Variants in CTNNA3 observed in about 807,000 individuals in gnomAD.
CTNNA3 encodes the protein catenin alpha-3.
A neutral mutation model predicts 95.7 loss-of-function variants in CTNNA3; 76 were observed. The observed-to-expected ratio is 0.79, with a 90% CI of 0.66 to 0.96. CTNNA3 has a LOEUF of 0.96. CTNNA3 is among the 40% of genes least tolerant of loss of function. CTNNA3 has a pLI of 0.00. For synonymous variants in CTNNA3, 431 were observed against 374.4 expected, an observed-to-expected ratio of 1.15 and a Z score of -1.74; for missense variants, 1,191 against 1,089.8, an observed-to-expected ratio of 1.09 and a Z score of -1.31.
intron 7 of CTNNA3, among the ~76,000 whole-genome samples, chr10:66,806,893 A>C (rs1031577947): frequency 2.0e-5 from 3 of 151,944 alleles, no homozygotes; most frequent in African/African-American, 7.2e-5. Flanking sequence ...GTTTATAGAT[A>C]AACATTTCAG....
chr10:66,058,901 CAAAACTTT>C (rs1383068512), intron 15 of CTNNA3, among the ~76,000 whole-genome samples: 4 of 152,094 alleles, frequency 2.6e-5, no homozygotes, highest in African/African-American at 9.7e-5. Context: ...GGTAACTAAT[CAAAACTTT>C]TTAGAAAGTT....
chr10:67,072,786 C>T (rs1248216191), intron 7 of CTNNA3, among the ~76,000 whole-genome samples: 1 of 152,086 alleles, frequency 6.6e-6, no homozygotes, highest in African/African-American at 2.4e-5. Flanking sequence ...TAAATATCTT[C>T]AAAAAGAGTT....
intron 7 of CTNNA3, among the ~76,000 whole-genome samples, chr10:66,990,653 T>TA (rs991700248): frequency 5.5e-4 from 84 of 152,224 alleles, no homozygotes; most frequent in African/African-American, 1.7e-3. Context: ...GTGGACCAGA[T>TA]AAGTGTCCTT....
At chr10:66,649,305 A>C (rs2132406875) in intron 9 of CTNNA3, among the ~76,000 whole-genome samples, 1 of 152,310 alleles carries the variant, frequency 6.6e-6, no homozygotes, top group African/African-American at 2.4e-5. Flanking sequence ...CCACAGAGAA[A>C]CATTAATTTG....
intron 9 of CTNNA3, among the ~76,000 whole-genome samples, chr10:66,624,189 G>A (rs10822855): frequency 0.33 from 50,601 of 151,974 alleles, 8,844 homozygotes; most frequent in Middle Eastern, 0.5. Flanking sequence ...TTTGAACCCA[G>A]TTCCTACAGT....
At position 67,539,670 on chromosome 10, in the gene CTNNA3, C is replaced by G. The variant is rs1176108708; in HGVS notation, c.293-1G>C. 1 of 1,612,954 alleles carries G rather than the reference C, an allele frequency of 6.2e-7. No homozygotes were observed. The highest frequency in any genetic ancestry group is 1.7e-5 in the Admixed American group (1 of 59,914). ...TCAGCTGATACTTTCAGAGCTTCACCTGAAAAATACAACCCCATATAAGTT... is the reference window on the plus strand; with the variant it reads ...TCAGCTGATACTTTCAGAGCTTCACGTGAAAAATACAACCCCATATAAGTT... On this transcript the variant is annotated splice_acceptor_variant, in intron 3 of 17. Coordinates refer to ENST00000433211, the MANE Select transcript of CTNNA3 (RefSeq NM_013266.4). LOFTEE classifies it high-confidence loss of function.
At chr10:67,518,894 T>C (rs1839900868) in intron 5 of CTNNA3, among the ~76,000 whole-genome samples, 3 of 152,146 alleles carry the variant, frequency 2.0e-5, no homozygotes, top group Non-Finnish European at 4.4e-5. Flanking sequence ...TGCCTTTCGA[T>C]AGTAAGAACC....
At chr10:65,982,173 G>A (rs1257323421) in intron 16 of CTNNA3, among the ~76,000 whole-genome samples, 1 of 150,534 alleles carries the variant, frequency 6.6e-6, no homozygotes, top group African/African-American at 2.4e-5. Flanking sequence ...CCATCAAAAA[G>A]TGGGCTAAGG....
At chr10:67,204,853 G>A (rs2132222299) in intron 6 of CTNNA3, among the ~76,000 whole-genome samples, 1 of 152,296 alleles carries the variant, frequency 6.6e-6, no homozygotes, top group South Asian at 2.1e-4. Context: ...CAAGGAGTCA[G>A]TTTGGGTGGG....
In CTNNA3 at chr10:66,659,115, A is replaced by G. The variant is rs12762488; in HGVS notation, c.1282-37331T>C. On this transcript the variant is annotated intron_variant, in intron 9 of 17. Transcript: ENST00000433211. ...CTAAGAACTGGGACTATATCATTGA[A>G]CAAGAAAATTTTCCATACCTTATGA... Among the ~76,000 whole-genome samples the G allele has an allele frequency of 2.0e-5, 3 of 152,048 alleles. No homozygotes were observed. In the East Asian group the frequency reaches 5.8e-4, roughly 29 times the overall value.
At chr10:67,187,645 G>T (rs1333389491) in intron 6 of CTNNA3, among the ~76,000 whole-genome samples, 2 of 151,920 alleles carry the variant, frequency 1.3e-5, no homozygotes, top group African/African-American at 4.8e-5. Context: ...GAGTGCAGTT[G>T]TGCAATGATG....
intron 5 of CTNNA3, among the ~76,000 whole-genome samples, chr10:67,373,603 C>A (rs1197599906): frequency 4.4e-5 from 6 of 134,836 alleles, no homozygotes; most frequent in Non-Finnish European, 8.2e-5. Context: ...AGGAATTGAA[C>A]TCAGCTCTGC....
At chr10:66,668,601 C>T in intron 9 of CTNNA3, among the ~76,000 whole-genome samples, 1 of 151,810 alleles carries the variant, frequency 6.6e-6, no homozygotes, top group African/African-American at 2.4e-5. Flanking sequence ...TCACTTGAGG[C>T]CAGAAGTTTG....
chr10:66,674,223 C>T (rs1187852847), intron 9 of CTNNA3, among the ~76,000 whole-genome samples: 1 of 152,006 alleles, frequency 6.6e-6, no homozygotes, highest in East Asian at 1.9e-4. Flanking sequence ...GGGTTTGCTT[C>T]TGATTTTTAT....
intron 11 of CTNNA3, among the ~76,000 whole-genome samples, chr10:66,416,275 A>C (rs35023437): frequency 0.22 from 33,637 of 151,858 alleles, 3,937 homozygotes; most frequent in South Asian, 0.3. Flanking sequence ...TTTTTTAAAA[A>C]AAAAGAATGA....
chr10:66,497,192 G>A (rs1335154272), intron 11 of CTNNA3, among the ~76,000 whole-genome samples: 2 of 151,962 alleles, frequency 1.3e-5, no homozygotes, highest in African/African-American at 4.8e-5. Context: ...ATAATAAAGC[G>A]TTCTTGCCCT....
At chr10:66,337,838 T>C (rs1338787085) in intron 12 of CTNNA3, among the ~76,000 whole-genome samples, 4 of 152,066 alleles carry the variant, frequency 2.6e-5, no homozygotes, top group Non-Finnish European at 5.9e-5. Context: ...GAAAACAGTA[T>C]GGCAGTTCTG....
intron 14 of CTNNA3, among the ~76,000 whole-genome samples, chr10:66,076,161 C>G (rs2080554191): frequency 6.6e-6 from 1 of 151,504 alleles, no homozygotes; most frequent in Non-Finnish European, 1.5e-5. Context: ...TTCTTACCTT[C>G]AGCGTGTCTC....
At chr10:66,651,984 G>A (rs1845923646) in intron 9 of CTNNA3, among the ~76,000 whole-genome samples, 1 of 151,492 alleles carries the variant, frequency 6.6e-6, no homozygotes, top group African/African-American at 2.4e-5. Flanking sequence ...CTAGCACGTT[G>A]TCACCTCTCA....
Sources: gnomAD v4.1 joint callset for allele counts (sites outside exome capture counted in the v4.1 genomes callset) on GRCh38, gnomAD v4.1.1 for gene constraint, MANE v1.5 for transcripts, NCBI Gene and HGNC (gene_info 2026-07-23, HGNC 2026-07-21) for gene names.